The following EPB41L4A variants were observed in gnomAD, a reference collection of about 807,000 sequenced individuals.
EPB41L4A encodes erythrocyte membrane protein band 4.1 like 4A, also known as band 4.1-like protein 4A.
Under a neutral mutation model 108.6 loss-of-function variants are expected in EPB41L4A, and 100 were observed. The ratio of observed to expected loss-of-function variants is 0.92; its 90% CI spans 0.78 to 1.09. The LOEUF (loss-of-function observed/expected upper bound fraction) is 1.09. Ranked by LOEUF, EPB41L4A falls within the 50% of genes least tolerant of loss-of-function variation. The pLI is 0.00. For missense variants in EPB41L4A, 1,030 were observed against 842.7 expected, an observed-to-expected ratio of 1.22 and a Z score of -2.75; for synonymous variants, 319 against 289.0, an observed-to-expected ratio of 1.10 and a Z score of -1.05.
chr5:112,230,215 T>C (rs1048481210), intron 12 of EPB41L4A, among the ~76,000 whole-genome samples: 1 of 152,180 alleles, frequency 6.6e-6, no homozygotes, highest in African/African-American at 2.4e-5. Context: ...CTTTCTTATA[T>C]AATGACTTCT....
chr5:112,160,930 T>C (rs1759852430), downstream of EPB41L4A: 1 of 156,476 alleles, frequency 6.4e-6, no homozygotes. Context: ...GGCGCCTGGC[T>C]GTGGCCGCGT....
chr5:112,229,299 G>A (rs1462419936), intron 12 of EPB41L4A, among the ~76,000 whole-genome samples: 1 of 152,158 alleles, frequency 6.6e-6, no homozygotes, highest in Non-Finnish European at 1.5e-5. Flanking sequence ...AGTTACATCA[G>A]AAACCACATG....
intron 17 of EPB41L4A, among the ~76,000 whole-genome samples, chr5:112,187,580 G>C (rs543306843): frequency 3.1e-4 from 47 of 152,244 alleles, no homozygotes; most frequent in African/African-American, 1.1e-3. Context: ...ATAATCATTT[G>C]ATAACAATGA....
intron 17 of EPB41L4A, among the ~76,000 whole-genome samples, chr5:112,194,224 A>G (rs1561464512): frequency 6.6e-6 from 1 of 152,216 alleles, no homozygotes; most frequent in Non-Finnish European, 1.5e-5. Flanking sequence ...AATGCCATTG[A>G]AAAGATAGTT....
intron 1 of EPB41L4A, among the ~76,000 whole-genome samples, chr5:112,392,279 C>T (rs1561636918): frequency 6.6e-6 from 1 of 150,972 alleles, no homozygotes; most frequent in Non-Finnish European, 1.5e-5. Context: ...CACAGACAGG[C>T]AAATTGGATA....
chr5:112,282,426 G>T (rs147452710), intron 2 of EPB41L4A, among the ~76,000 whole-genome samples: 66 of 152,296 alleles, frequency 4.3e-4, no homozygotes, highest in African/African-American at 1.4e-3. Flanking sequence ...ACTTGCATTC[G>T]GTTTCCACTG....
At chr5:112,241,688 C>A (rs966412136) in intron 9 of EPB41L4A, among the ~76,000 whole-genome samples, 1 of 152,060 alleles carries the variant, frequency 6.6e-6, no homozygotes, top group African/African-American at 2.4e-5. Context: ...AAATACCATG[C>A]CATTTATATA....
chr5:112,159,958 G>A (rs1357920537), downstream of EPB41L4A, among the ~76,000 whole-genome samples: 1 of 146,236 alleles, frequency 6.8e-6, no homozygotes, highest in Non-Finnish European at 1.5e-5. Context: ...CTGGAGTCAA[G>A]TGGCATGATC....
At chr5:112,266,385 G>A (rs1751859280) in intron 4 of EPB41L4A, 55 bp from the exon 5 acceptor site, 1 of 1,226,718 alleles carries the variant, frequency 8.2e-7, no homozygotes, top group African/African-American at 1.5e-5. Flanking sequence ...TCAAACCTGA[G>A]GTTTCGGACC....
intron 8 of EPB41L4A, 66 bp from the exon 9 acceptor site, chr5:112,259,358 G>A: frequency 7.4e-7 from 1 of 1,344,882 alleles, no homozygotes; most frequent in Non-Finnish European, 1.1e-6. Context: ...AATCAGGGAA[G>A]TATCCAGTGG....
At chr5:112,406,794 G>C (rs1418686527) in intron 1 of EPB41L4A, among the ~76,000 whole-genome samples, 1 of 152,050 alleles carries the variant, frequency 6.6e-6, no homozygotes, top group East Asian at 1.9e-4. Context: ...ACCAAAAAAA[G>C]AACCAAGAGA....
chr5:112,235,863 A>G (rs565476406), intron 11 of EPB41L4A, among the ~76,000 whole-genome samples: 3 of 152,348 alleles, frequency 2.0e-5, no homozygotes, highest in East Asian at 3.9e-4. Flanking sequence ...GTTCATGGAA[A>G]TTCGGGAGGG....
At chr5:112,147,082 A>C (rs531658374) in intron 12 of EPB41L4A, among the ~76,000 whole-genome samples, 1 of 152,164 alleles carries the variant, frequency 6.6e-6, no homozygotes, top group African/African-American at 2.4e-5. Context: ...GTGCTGCTCT[A>C]AATTAGTGTG....
intron 12 of EPB41L4A, among the ~76,000 whole-genome samples, chr5:112,224,194 C>G (rs1748287724): frequency 6.6e-6 from 1 of 152,098 alleles, no homozygotes; most frequent in Non-Finnish European, 1.5e-5. Context: ...TTGTGATCCA[C>G]CCACCTCAGC....
chr5:112,157,160 A>G (rs1261861810), intron 12 of EPB41L4A, among the ~76,000 whole-genome samples: 2 of 152,014 alleles, frequency 1.3e-5, no homozygotes, highest in East Asian at 3.9e-4. Context: ...AAAAAAAAAA[A>G]CAACCTGATC....
intron 12 of EPB41L4A, among the ~76,000 whole-genome samples, chr5:112,221,223 T>A (rs946868718): frequency 1.3e-5 from 2 of 152,162 alleles, no homozygotes; most frequent in African/African-American, 4.8e-5. Flanking sequence ...TCTTTTGCAA[T>A]AGCATCATGG....
intron 18 of EPB41L4A, among the ~76,000 whole-genome samples, chr5:112,182,021 C>G (rs900131473): frequency 6.6e-6 from 1 of 150,610 alleles, no homozygotes; most frequent in Non-Finnish European, 1.5e-5. Context: ...TGCAGTGAGC[C>G]AGGATTGGGC....
intron 13 of EPB41L4A, among the ~76,000 whole-genome samples, chr5:112,145,280 G>A (rs1387144049): frequency 1.3e-5 from 2 of 152,022 alleles, no homozygotes; most frequent in Non-Finnish European, 2.9e-5. Context: ...ACAGAGTGAG[G>A]TTATATAAAG....
At chr5:112,393,675 G>C (rs1362427869) in intron 1 of EPB41L4A, among the ~76,000 whole-genome samples, 1 of 152,246 alleles carries the variant, frequency 6.6e-6, no homozygotes, top group East Asian at 1.9e-4. Flanking sequence ...GGAGGAGCTG[G>C]TACCATTCCT....
Sources: allele counts gnomAD v4.1 joint callset (sites outside exome capture counted in the v4.1 genomes callset), GRCh38; gene constraint gnomAD v4.1.1; transcripts MANE v1.5; gene names NCBI Gene and HGNC (gene_info 2026-07-23, HGNC 2026-07-21).